Variants in MYH10 observed in about 807,000 individuals in gnomAD.
MYH10 encodes the protein myosin-10.
MYH10 carries 55 observed loss-of-function variants against 257.8 expected under a neutral mutation model. That is an observed-to-expected ratio of 0.21 (90% CI 0.17 to 0.27). The LOEUF is 0.27. Among genes scored for constraint, MYH10 ranks in the 10% least tolerant of loss-of-function variants. MYH10 has a pLI of 1.00. For missense variants in MYH10, 1,631 were observed against 2,500.6 expected, an observed-to-expected ratio of 0.65 and a Z score of 7.42; for synonymous variants, 854 against 921.7, an observed-to-expected ratio of 0.93 and a Z score of 1.33.
chr17:8,607,619 G>A (rs542112575), intron 2 of MYH10, among the ~76,000 whole-genome samples: 1 of 152,294 alleles, frequency 6.6e-6, no homozygotes, highest in East Asian at 1.9e-4. Context: ...AATAGATACT[G>A]CACCAGTTCT....
At chr17:8,558,841 C>T (rs960891584) in intron 7 of MYH10, among the ~76,000 whole-genome samples, 1 of 152,154 alleles carries the variant, frequency 6.6e-6, no homozygotes, top group Non-Finnish European at 1.5e-5. Flanking sequence ...AACCCAATGA[C>T]TTCTCTCATT....
chr17:8,607,249 C>T (rs2084847640), intron 2 of MYH10, among the ~76,000 whole-genome samples: 1 of 152,104 alleles, frequency 6.6e-6, no homozygotes. Flanking sequence ...TAATTAGAGA[C>T]TAGAAAGTAA....
Position 8,615,610 on chromosome 17 carries a change from T to C in MYH10, c.345+7292A>G, listed in dbSNP as rs543560163. On this transcript the variant is annotated intron_variant, in intron 2 of 42. Transcript: ENST00000360416. ...CTCTTTGTGTACATATAAAGAATAT[T>C]TGGTCCTTGCAAGGTTAATTTAACA... 9.2e-5 allele frequency among the ~76,000 whole-genome samples: 14 copies of C among 152,292 alleles called. No individual in the cohort carries two copies. In the East Asian group the frequency reaches 2.7e-3, roughly 29 times the overall value.
At chr17:8,560,908 G>A (rs1171940732) in intron 7 of MYH10, 1 of 494,550 alleles carries the variant, frequency 2.0e-6, no homozygotes, top group Non-Finnish European at 3.8e-6. Flanking sequence ...AGTGCTCTGG[G>A]TCCGGGAATG....
At chr17:8,509,679 A>G (rs2081194156) in intron 25 of MYH10, 133 bp downstream of exon 25, 1 of 819,844 alleles carries the variant, frequency 1.2e-6, no homozygotes, top group Non-Finnish European at 1.8e-6. Context: ...AGACTTACAG[A>G]GAAAATTCAG....
chr17:8,549,347 G>T (rs1038214367), intron 9 of MYH10, among the ~76,000 whole-genome samples: 1 of 152,200 alleles, frequency 6.6e-6, no homozygotes, highest in Admixed American at 6.5e-5. Flanking sequence ...CCTTTAGAAT[G>T]ATGATGTGAT....
At chr17:8,565,073 C>A (rs2083121688) in intron 7 of MYH10, among the ~76,000 whole-genome samples, 1 of 152,016 alleles carries the variant, frequency 6.6e-6, no homozygotes, top group Non-Finnish European at 1.5e-5. Flanking sequence ...TAAGTTTAAC[C>A]AACTGGGTGA....
chr17:8,550,337 G>A (rs2082590957), intron 9 of MYH10, among the ~76,000 whole-genome samples: 2 of 151,504 alleles, frequency 1.3e-5, no homozygotes, highest in Non-Finnish European at 2.9e-5. Flanking sequence ...CCTCTGCCCC[G>A]CCGCCCCGTC....
rs1372919042 is a variant in MYH10, at chr17:8,569,137, C to T, written c.756+583G>A. ...CTTGGGAGACTGAGGAAGGAGGATG[C>T]CTTGAGACCAGGAGTTGGTGGCTGC... On this transcript the variant is annotated intron_variant, in intron 7 of 42. Transcript: ENST00000360416. The surrounding 1 kb of genome is among the most constrained non-coding windows in gnomAD (Gnocchi z 4.1). 1.3e-5 allele frequency among the ~76,000 whole-genome samples: 2 copies of T among 151,642 alleles called. No individual in the cohort carries two copies. The highest frequency in any genetic ancestry group is 3.9e-4 in the East Asian group (2 of 5,138).
rs1391033692 is a variant in MYH10, at chr17:8,477,393, G to C, written c.5707-345C>G. Among the ~76,000 whole-genome samples the C allele has an allele frequency of 6.6e-6, 1 of 152,148 alleles. No individual in the cohort carries two copies. Among genetic ancestry groups the C allele is most frequent in the East Asian group, 1.9e-4 (1 of 5,186 alleles). ...ATTGCTATTCTTGCAAAACGTGGAA[G>C]AACCAGCAATGTGGGACAATCCCCA... is the stretch of plus-strand genomic sequence containing the variant. On this transcript the variant is annotated intron_variant, in intron 41 of 42. Coordinates refer to ENST00000360416, the MANE Select transcript of MYH10 (RefSeq NM_001256012.3). The surrounding 1 kb of genome is among the most constrained non-coding windows in gnomAD (Gnocchi z 4.2).
rs758397369 is a variant in MYH10 at position 8,480,492 on chromosome 17, T to C, written c.5298A>G (p.Glu1766=). ...SALLDEKRRL[E]ARIAQLEEEL... ...CCTCCTCCAGCTGTGCGATCCGAGCTTCCAGACGCCGCTTCTCATCCAGCA... is the reference window on the plus strand; with the variant it reads ...CCTCCTCCAGCTGTGCGATCCGAGCCTCCAGACGCCGCTTCTCATCCAGCA... Residue 1766 remains glutamate (E), a synonymous_variant, in exon 39 of 43, where the codon GAA becomes GAG. Coordinates refer to ENST00000360416, the MANE Select transcript of MYH10 (RefSeq NM_001256012.3). The C allele has an allele frequency of 1.2e-6, 2 of 1,611,150 alleles. No homozygotes were observed. Among genetic ancestry groups the C allele is most frequent in the Admixed American group, 3.3e-5 (2 of 59,990 alleles).
At chr17:8,498,761 T>C (rs941893843) in intron 30 of MYH10, among the ~76,000 whole-genome samples, 7 of 151,636 alleles carry the variant, frequency 4.6e-5, no homozygotes, top group African/African-American at 1.7e-4. Flanking sequence ...GGCAGGAGAA[T>C]AGTGTGAACC....
intron 6 of MYH10, among the ~76,000 whole-genome samples, chr17:8,570,618 T>G (rs1393144082): frequency 6.6e-6 from 1 of 152,208 alleles, no homozygotes; most frequent in Non-Finnish European, 1.5e-5. Context: ...TAAATAAACC[T>G]GCTTTTTCCA....
intron 2 of MYH10, among the ~76,000 whole-genome samples, chr17:8,614,653 G>T (rs1379766903): frequency 6.6e-6 from 1 of 151,980 alleles, no homozygotes; most frequent in Non-Finnish European, 1.5e-5. Context: ...GAGAGTCAAA[G>T]AAAACATCCT....
chr17:8,514,383 C>T (rs1253641455), intron 21 of MYH10, among the ~76,000 whole-genome samples: 1 of 152,126 alleles, frequency 6.6e-6, no homozygotes, highest in South Asian at 2.1e-4. Context: ...CGCAATGGAG[C>T]GCAGCACTCA....
chr17:8,582,999 T>C (rs1237163841), intron 4 of MYH10, among the ~76,000 whole-genome samples: 1 of 152,174 alleles, frequency 6.6e-6, no homozygotes, highest in Non-Finnish European at 1.5e-5. Context: ...TGCAAACATA[T>C]AACATTAGTA....
At chr17:8,494,002 A>G (rs540554282) in intron 31 of MYH10, 117 bp from the exon 32 acceptor site, 11 of 1,096,860 alleles carry the variant, frequency 1.0e-5, no homozygotes, top group African/African-American at 1.6e-5. Context: ...GAGAACGCCC[A>G]GTGACATTAA....
At chr17:8,586,729 G>T (rs2083928074) in intron 4 of MYH10, among the ~76,000 whole-genome samples, 1 of 151,994 alleles carries the variant, frequency 6.6e-6, no homozygotes, top group Admixed American at 6.6e-5. Flanking sequence ...GGCCACTTTG[G>T]GTAACAAAAT....
intron 14 of MYH10, among the ~76,000 whole-genome samples, chr17:8,536,803 A>AAG (rs963189238): frequency 3.4e-4 from 51 of 151,950 alleles, no homozygotes; most frequent in African/African-American, 1.2e-3. Context: ...TGTCTCAAAA[A>AAG]AAAAAAAAAA....
Sources: allele counts gnomAD v4.1 joint callset (sites outside exome capture counted in the v4.1 genomes callset), GRCh38; gene constraint gnomAD v4.1.1; non-coding constraint Gnocchi (gnomAD v3.1); transcripts MANE v1.5; gene names NCBI Gene and HGNC (gene_info 2026-07-23, HGNC 2026-07-21).